Variants in GXYLT2 observed in about 807,000 individuals in gnomAD.
GXYLT2 encodes glycosyltransferase 8 domain containing 4.
A neutral mutation model predicts 45.8 loss-of-function variants in GXYLT2; 53 were observed. The ratio of observed to expected loss-of-function variants is 1.16; its 90% CI spans 0.93 to 1.46. The LOEUF is 1.46. Ranked by LOEUF, GXYLT2 falls within the 40% of genes most tolerant of loss-of-function variation. The pLI is 0.00. For missense variants in GXYLT2, 551 were observed against 544.4 expected (o/e 1.01, Z -0.12); for synonymous variants, 219 against 214.2 (o/e 1.02, Z -0.19).
rs71124002 is a variant in GXYLT2, at chr3:72,901,554, CTTTTTTT to C, written c.276-6795_276-6789del. Among the ~76,000 whole-genome samples the C allele has an allele frequency of 2.3e-4, 18 of 77,190 alleles. No individual in the cohort carries two copies. The Admixed American group carries it at 3.1e-3, about 13-fold the overall frequency. The allele number at this position is 77,190 out of a possible 152,430, so 50.6% of individuals were successfully genotyped here. On this transcript the variant is annotated intron_variant, in intron 1 of 6. Transcript: ENST00000389617. ...ACCATAGAATTTCAGAACATTTTCG[CTTTTTTT>C]TTTTTTTTTTTTTTTTTGAGACAGA...
intron 3 of GXYLT2, among the ~76,000 whole-genome samples, chr3:72,942,812 G>A (rs933516780): frequency 6.6e-6 from 1 of 152,084 alleles, no homozygotes; most frequent in Non-Finnish European, 1.5e-5. Context: ...CTAAGGAGAT[G>A]TGACAAATAA....
At chr3:72,926,510 A>C (rs1420769779) in intron 3 of GXYLT2, among the ~76,000 whole-genome samples, 1 of 152,252 alleles carries the variant, frequency 6.6e-6, no homozygotes, top group African/African-American at 2.4e-5. Context: ...AAATGTGTTC[A>C]TTAAAATTGA....
At chr3:72,905,227 C>T (rs562924499) in intron 1 of GXYLT2, among the ~76,000 whole-genome samples, 1 of 152,238 alleles carries the variant, frequency 6.6e-6, no homozygotes, top group East Asian at 1.9e-4. Context: ...AAGCAATTCT[C>T]CTGCCTCAGC....
At chr3:72,919,022 C>T (rs1709785814) in intron 2 of GXYLT2, among the ~76,000 whole-genome samples, 1 of 152,196 alleles carries the variant, frequency 6.6e-6, no homozygotes, top group Admixed American at 6.5e-5. Context: ...AACTCTCATT[C>T]ATTGCTGGTA....
intron 3 of GXYLT2, among the ~76,000 whole-genome samples, chr3:72,925,156 C>CTTT (rs368190344): frequency 7.4e-5 from 11 of 148,640 alleles, no homozygotes; most frequent in African/African-American, 2.8e-4. Flanking sequence ...TTTTCTTTTT[C>CTTT]TTTCTTTTTT....
Position 72,888,436 on chromosome 3 carries a change from G to C in GXYLT2, c.203G>C (p.Arg68Pro), listed in dbSNP as rs1575769274. Residue 68 changes from arginine to proline, a missense_variant, in exon 1 of 7, where the codon CGG becomes CCG. Physicochemically the swap from Arg to Pro is moderately radical, Grantham distance 103 (BLOSUM62 -2). Transcript: ENST00000389617. ...CTCCCCGGGGCCAGCCCGGGAGTTCGGAGGCGCCGGCCCCCGCGTCCGCGC... is the reference window on the plus strand; with the variant it reads ...CTCCCCGGGGCCAGCCCGGGAGTTCCGAGGCGCCGGCCCCCGCGTCCGCGC... ...GALPGASPGV[R>P]RRRPPRPRPR... is the part of the protein sequence containing the mutation. 6.0e-6 allele frequency: 7 copies of C among 1,163,858 alleles called. No individual in the cohort carries two copies. The highest frequency in any genetic ancestry group is 7.4e-6 in the Non-Finnish European group (7 of 942,962). The allele number at this position is 1,163,858 out of a possible 1,614,324, so 72.1% of individuals were successfully genotyped here. A position where few individuals can be genotyped will look rare whatever the true frequency, so the allele number is the denominator to read the frequency against.
intron 2 of GXYLT2, among the ~76,000 whole-genome samples, chr3:72,919,542 G>T (rs941383374): frequency 1.1e-4 from 16 of 152,226 alleles, no homozygotes; most frequent in African/African-American, 3.9e-4. Context: ...ATCACCTGAG[G>T]TCGGGAGTTT....
chr3:72,971,739 G>A (rs1313139822), intron 6 of GXYLT2, among the ~76,000 whole-genome samples: 2 of 151,800 alleles, frequency 1.3e-5, no homozygotes, highest in Non-Finnish European at 1.5e-5. Flanking sequence ...ACTTGAGGTC[G>A]GGAGTTCGAG....
intron 5 of GXYLT2, among the ~76,000 whole-genome samples, chr3:72,957,805 C>T (rs1710678688): frequency 6.6e-6 from 1 of 152,018 alleles, no homozygotes; most frequent in East Asian, 1.9e-4. Flanking sequence ...TCCCCAAATC[C>T]GTTTTGCTTT....
intron 5 of GXYLT2, among the ~76,000 whole-genome samples, chr3:72,967,113 C>A (rs1710880366): frequency 6.6e-6 from 1 of 152,124 alleles, no homozygotes; most frequent in South Asian, 2.1e-4. Context: ...TGTTTGATAC[C>A]CTGCTAATCA....
At chr3:72,944,985 G>T (rs1710376637) in intron 3 of GXYLT2, among the ~76,000 whole-genome samples, 1 of 152,108 alleles carries the variant, frequency 6.6e-6, no homozygotes, top group African/African-American at 2.4e-5. Flanking sequence ...TGAGTCTTCT[G>T]CACTTCATTT....
chr3:72,895,802 G>C (rs1314842458), intron 1 of GXYLT2, among the ~76,000 whole-genome samples: 1 of 152,192 alleles, frequency 6.6e-6, no homozygotes. Flanking sequence ...ATTGGGAGTT[G>C]CTGATTTTGT....
intron 3 of GXYLT2, among the ~76,000 whole-genome samples, chr3:72,944,134 C>T (rs1325433139): frequency 6.6e-6 from 1 of 152,056 alleles, no homozygotes; most frequent in Non-Finnish European, 1.5e-5. Context: ...CTCACCCAGG[C>T]TGGAGTGCAG....
chr3:72,948,971 G>A (rs1710463569), intron 3 of GXYLT2, among the ~76,000 whole-genome samples: 1 of 152,084 alleles, frequency 6.6e-6, no homozygotes, highest in South Asian at 2.1e-4. Context: ...CTTGGACTTC[G>A]GGTGAGGAAG....
chr3:72,919,678 G>A (rs1004609189), intron 2 of GXYLT2, among the ~76,000 whole-genome samples: 6 of 152,144 alleles, frequency 3.9e-5, no homozygotes, highest in East Asian at 1.9e-4. Context: ...TTGCTGGAAC[G>A]TGGGAGGCGG....
chr3:72,947,749 C>G (rs910324926), intron 3 of GXYLT2, among the ~76,000 whole-genome samples: 15 of 152,042 alleles, frequency 9.9e-5, no homozygotes, highest in African/African-American at 3.4e-4. Context: ...TGCAGTGAGC[C>G]AAGGTCACAC....
intron 2 of GXYLT2, among the ~76,000 whole-genome samples, chr3:72,914,611 G>T (rs1413046191): frequency 1.3e-5 from 2 of 152,128 alleles, no homozygotes; most frequent in Non-Finnish European, 2.9e-5. Context: ...GTGTGTGAGG[G>T]GGTGGCAAGA....
intron 3 of GXYLT2, chr3:72,929,422 A>C: frequency 7.6e-7 from 1 of 1,316,632 alleles, no homozygotes; most frequent in Non-Finnish European, 1.1e-6. Context: ...AGTGACAAAA[A>C]TGACCCCCAT....
At chr3:72,963,084 G>C (rs1326469321) in intron 5 of GXYLT2, among the ~76,000 whole-genome samples, 1 of 152,098 alleles carries the variant, frequency 6.6e-6, no homozygotes, top group East Asian at 1.9e-4. Flanking sequence ...GGCTGAGCAG[G>C]GAGTATTGCT....
Sources: gnomAD v4.1 joint callset for allele counts (sites outside exome capture counted in the v4.1 genomes callset) on GRCh38, gnomAD v4.1.1 for gene constraint, MANE v1.5 for transcripts, NCBI Gene and HGNC (gene_info 2026-07-23, HGNC 2026-07-21) for gene names.